The following RGL1 variants were observed in gnomAD, a reference collection of about 807,000 sequenced individuals.
RGL1 encodes ral guanine nucleotide dissociation stimulator like 1, also known as ral guanine nucleotide dissociation stimulator-like 1.
In RGL1, 24 loss-of-function variants were observed where a neutral mutation model predicts 95.2. That is an observed-to-expected ratio of 0.25 (90% CI 0.18 to 0.35). RGL1 has a LOEUF of 0.35. Ranked by LOEUF, RGL1 falls within the 10% of genes least tolerant of loss-of-function variation. RGL1 has a pLI of 1.00. For missense variants in RGL1, 715 were observed against 936.3 expected (o/e 0.76, Z 3.08); for synonymous variants, 329 against 344.9 (o/e 0.95, Z 0.51).
intron 5 of RGL1, 95 bp from the exon 6 acceptor site, chr1:183,883,691 C>T: frequency 7.0e-7 from 1 of 1,424,314 alleles, no homozygotes; most frequent in Non-Finnish European, 9.7e-7. Flanking sequence ...AGGATTGGCC[C>T]TCTTCTTCCT....
At chr1:183,920,401 A>T (rs983608337) in intron 16 of RGL1, among the ~76,000 whole-genome samples, 1 of 152,216 alleles carries the variant, frequency 6.6e-6, no homozygotes, top group Non-Finnish European at 1.5e-5. Flanking sequence ...TTCGATACCT[A>T]TGAGTGCTAA....
intron 2 of RGL1, among the ~76,000 whole-genome samples, chr1:183,808,188 C>T (rs999881871): frequency 2.0e-5 from 3 of 152,216 alleles, no homozygotes; most frequent in Non-Finnish European, 4.4e-5. Flanking sequence ...TTTAGATGCT[C>T]AGAGTTATTT....
chr1:183,722,861 G>A (rs1656090275), intron 1 of RGL1, among the ~76,000 whole-genome samples: 1 of 139,546 alleles, frequency 7.2e-6, no homozygotes, highest in Non-Finnish European at 1.6e-5. Flanking sequence ...TGATGATAAT[G>A]TGGATCTACA....
At chr1:183,750,517 C>T (rs959797780) in intron 2 of RGL1, among the ~76,000 whole-genome samples, 3 of 152,200 alleles carry the variant, frequency 2.0e-5, no homozygotes, top group Admixed American at 1.3e-4. Context: ...GCCCCTTTAG[C>T]TGGAGGAATT....
intron 2 of RGL1, among the ~76,000 whole-genome samples, chr1:183,743,020 GT>G (rs1200158301): frequency 1.3e-5 from 2 of 151,578 alleles, no homozygotes; most frequent in African/African-American, 4.8e-5. Flanking sequence ...TTATGTTTTT[GT>G]TTTTTTTGGA....
intron 17 of RGL1, among the ~76,000 whole-genome samples, chr1:183,923,687 A>G (rs1441579494): frequency 2.0e-5 from 3 of 152,192 alleles, no homozygotes; most frequent in Non-Finnish European, 4.4e-5. Flanking sequence ...TCTGAAGATA[A>G]CAAGAAATCG....
chr1:183,886,627 CTAA>C (rs1667124246), intron 7 of RGL1, among the ~76,000 whole-genome samples: 1 of 152,110 alleles, frequency 6.6e-6, no homozygotes, highest in Non-Finnish European at 1.5e-5. Flanking sequence ...ATATCATGTG[CTAA>C]TAAAGCCAAG....
intron 15 of RGL1, among the ~76,000 whole-genome samples, chr1:183,916,187 G>C (rs1427693642): frequency 1.3e-5 from 2 of 152,082 alleles, no homozygotes; most frequent in Non-Finnish European, 2.9e-5. Context: ...TATAAGAACA[G>C]CTAAAACCTA....
At chr1:183,839,799 C>T (rs749885827) in intron 2 of RGL1, among the ~76,000 whole-genome samples, 9 of 152,320 alleles carry the variant, frequency 5.9e-5, no homozygotes, top group Non-Finnish European at 1.2e-4. Flanking sequence ...TGCAGCCACA[C>T]ATTTTCCCCC....
chr1:183,884,577 T>A, intron 6 of RGL1, 146 bp from the exon 7 acceptor site: 1 of 658,896 alleles, frequency 1.5e-6, no homozygotes, highest in South Asian at 1.9e-5. Context: ...CTTTTGTCTG[T>A]TGAAATGGAC....
At chr1:183,771,694 G>A (rs1460159024) in intron 2 of RGL1, among the ~76,000 whole-genome samples, 1 of 152,210 alleles carries the variant, frequency 6.6e-6, no homozygotes, top group African/African-American at 2.4e-5. Flanking sequence ...GGAAGTGTTG[G>A]ATAGCGGAGG....
At chr1:183,835,891 T>C (rs1663614372) in intron 2 of RGL1, among the ~76,000 whole-genome samples, 1 of 152,246 alleles carries the variant, frequency 6.6e-6, no homozygotes. Context: ...CTGATAATTC[T>C]TGGGTGTACA....
chr1:183,730,283 A>G lies in RGL1; in HGVS notation c.-32-11843A>G, dbSNP rs188195301. ...CCTGTGACTCTTGGCTGTAATACAA[A>G]GCAACTTCCCACTTAAATACTGGCT... On this transcript the variant is annotated intron_variant, in intron 1 of 18. Transcript: ENST00000304685. Among the ~76,000 whole-genome samples, 12 of 152,252 alleles carry G rather than the reference A, an allele frequency of 7.9e-5. No individual in the cohort carries two copies. The East Asian group carries it at 1.9e-3, about 24-fold the overall frequency.
upstream of RGL1, among the ~76,000 whole-genome samples, chr1:183,800,555 G>A (rs564338353): frequency 5.9e-5 from 9 of 152,144 alleles, no homozygotes; most frequent in South Asian, 1.0e-3. Context: ...GCAGATTTTC[G>A]TGTGTACAGT....
chr1:183,871,553 T>G (rs529089464), intron 4 of RGL1, among the ~76,000 whole-genome samples: 1 of 152,304 alleles, frequency 6.6e-6, no homozygotes, highest in South Asian at 2.1e-4. Flanking sequence ...TATTGTTTGT[T>G]TTCCCGTTTT....
intron 2 of RGL1, among the ~76,000 whole-genome samples, chr1:183,750,173 C>T (rs1313360398): frequency 6.6e-6 from 1 of 152,206 alleles, no homozygotes; most frequent in Admixed American, 6.5e-5. Context: ...TGGTTCCATT[C>T]TCCCCATCGC....
chr1:183,729,839 G>A (rs1214878539), intron 1 of RGL1, among the ~76,000 whole-genome samples: 1 of 152,086 alleles, frequency 6.6e-6, no homozygotes, highest in African/African-American at 2.4e-5. Flanking sequence ...CAAAATAAAT[G>A]TGGTAAGTGA....
In RGL1 at chr1:183,916,767, G is replaced by C. The variant is rs1008262053; in HGVS notation, c.2004+66G>C. 108 of 1,549,710 alleles carry C rather than the reference G, an allele frequency of 7.0e-5. 2 individuals are homozygous for C. The South Asian group carries it at 1.1e-3, about 16-fold the overall frequency. On this transcript the variant is annotated intron_variant, in intron 16 of 17. Transcript: ENST00000360851. ...GATTGTGTGTCTGTGTCTGTCGGCCGCTCAGACTAATAGCCCTAAATATGC... is the reference window on the plus strand; with the variant it reads ...GATTGTGTGTCTGTGTCTGTCGGCCCCTCAGACTAATAGCCCTAAATATGC...
intron 1 of RGL1, among the ~76,000 whole-genome samples, chr1:183,726,807 A>G (rs1211267235): frequency 2.0e-5 from 3 of 152,156 alleles, no homozygotes; most frequent in Non-Finnish European, 4.4e-5. Context: ...TGCTTCCATT[A>G]TACTTACCAG....
Sources: allele counts gnomAD v4.1 joint callset (sites outside exome capture counted in the v4.1 genomes callset), GRCh38; gene constraint gnomAD v4.1.1; transcripts MANE v1.5; gene names NCBI Gene and HGNC (gene_info 2026-07-23, HGNC 2026-07-21).